The following TRPV4 variants were observed in gnomAD, a reference collection of about 807,000 sequenced individuals.
The protein encoded by TRPV4 is OSM9-like transient receptor potential channel 4.
A neutral mutation model predicts 84.1 loss-of-function variants in TRPV4; 58 were observed. That is an observed-to-expected ratio of 0.69 (90% CI 0.56 to 0.86). The LOEUF (loss-of-function observed/expected upper bound fraction) is 0.86, where lower values mean the gene tolerates loss of function less well. TRPV4 is among the 40% of genes least tolerant of loss of function. TRPV4 has a pLI of 0.00. For missense variants in TRPV4, 879 were observed against 1,181.1 expected, an observed-to-expected ratio of 0.74 and a Z score of 3.75; for synonymous variants, 489 against 500.9, an observed-to-expected ratio of 0.98 and a Z score of 0.32.
Position 109,796,507 on chromosome 12 carries a change from C to G in TRPV4, c.1332+18G>C. On this transcript the variant is annotated intron_variant, in intron 7 of 15. Transcript: ENST00000261740. The surrounding 1 kb of genome is among the most constrained non-coding windows in gnomAD (Gnocchi z 4.2). The stretch of plus-strand genomic sequence containing the variant: ...TGCCCCTCCTTCCTCACACCCCATG[C>G]CCCCTCCTGGAGCCCACCTCAATCT... 1 of 1,613,756 alleles carries G rather than the reference C, an allele frequency of 6.2e-7. No homozygotes were observed. The highest frequency in any genetic ancestry group is 1.1e-5 in the South Asian group (1 of 91,028).
intron 12 of TRPV4, among the ~76,000 whole-genome samples, chr12:109,790,628 A>G (rs1027748055): frequency 2.0e-5 from 3 of 152,122 alleles, no homozygotes; most frequent in African/African-American, 7.2e-5. Context: ...CGCGCCTATA[A>G]TCCTGCACTT....
intron 7 of TRPV4, 74 bp from the exon 8 acceptor site, chr12:109,794,561 G>T: frequency 6.6e-7 from 1 of 1,514,630 alleles, no homozygotes. Flanking sequence ...CCTCGGGTGT[G>T]CCTTCCCCCA....
At chr12:109,820,086 G>C (rs1323027780) in intron 1 of TRPV4, among the ~76,000 whole-genome samples, 1 of 152,182 alleles carries the variant, frequency 6.6e-6, no homozygotes, top group Non-Finnish European at 1.5e-5. Context: ...CACCTACTAT[G>C]TGCCAGGCAC....
At chr12:109,811,145 C>T (rs970669537) in intron 2 of TRPV4, among the ~76,000 whole-genome samples, 1 of 152,200 alleles carries the variant, frequency 6.6e-6, no homozygotes, top group African/African-American at 2.4e-5. Context: ...ATGTCAACTC[C>T]TCCAAGAAGC....
At chr12:109,818,066 C>A (rs906715764) in intron 1 of TRPV4, among the ~76,000 whole-genome samples, 2 of 151,630 alleles carry the variant, frequency 1.3e-5, no homozygotes, top group African/African-American at 2.4e-5. Context: ...CCTGAGGTCA[C>A]ACAGCAGGTT....
At chr12:109,803,884 T>C (rs1297439187) in intron 3 of TRPV4, among the ~76,000 whole-genome samples, 1 of 152,220 alleles carries the variant, frequency 6.6e-6, no homozygotes, top group African/African-American at 2.4e-5. Flanking sequence ...ACAGGGACTG[T>C]GAACCTGTAA....
At chr12:109,797,853 G>A (rs1257707301) in intron 6 of TRPV4, among the ~76,000 whole-genome samples, 1 of 152,096 alleles carries the variant, frequency 6.6e-6, no homozygotes, top group Non-Finnish European at 1.5e-5. Flanking sequence ...GCCTTATGTG[G>A]ATCACCGCAT....
At chr12:109,797,987 T>C (rs1032255295) in intron 6 of TRPV4, among the ~76,000 whole-genome samples, 1 of 152,210 alleles carries the variant, frequency 6.6e-6, no homozygotes, top group African/African-American at 2.4e-5. Context: ...CGCCAGGGCT[T>C]GGACAGGTGC....
chr12:109,828,870 AC>A (rs1313703781), intron 1 of TRPV4, among the ~76,000 whole-genome samples: 3 of 151,860 alleles, frequency 2.0e-5, no homozygotes, highest in East Asian at 3.9e-4. Flanking sequence ...GCCCCTGCCC[AC>A]CCCCGGCAGT....
At position 109,793,511 on chromosome 12, in the gene TRPV4, A is replaced by G. The variant is rs1345023038; in HGVS notation, c.1658+16T>C. The G allele has an allele frequency of 2.5e-6, 4 of 1,611,718 alleles. No homozygotes were observed. Among genetic ancestry groups the G allele is most frequent in the Non-Finnish European group, 3.4e-6 (4 of 1,177,924 alleles). Reference sequence around the variant, plus strand: ...TTCCTCACCCAGAAGCTGCCGGCCCAGGGACCTCTACTCACTAGAGCAGCT... The same window carrying G: ...TTCCTCACCCAGAAGCTGCCGGCCCGGGGACCTCTACTCACTAGAGCAGCT... On this transcript the variant is annotated intron_variant, in intron 10 of 15. Coordinates refer to ENST00000261740, the MANE Select transcript of TRPV4 (RefSeq NM_021625.5). This position sits in a 1 kb window ranked among gnomAD's most constrained non-coding sequence, Gnocchi z 4.0.
intron 1 of TRPV4, among the ~76,000 whole-genome samples, chr12:109,821,043 C>A (rs567684003): frequency 6.6e-6 from 1 of 152,258 alleles, no homozygotes; most frequent in African/African-American, 2.4e-5. Context: ...GGGTTACCCG[C>A]GGCTTTGCCT....
At chr12:109,809,037 C>CCCAT (rs139431272) in intron 2 of TRPV4, among the ~76,000 whole-genome samples, 122 of 143,840 alleles carry the variant, frequency 8.5e-4, no homozygotes, top group African/African-American at 2.6e-3. Flanking sequence ...CATCCACCCA[C>CCCAT]CCATCCATCC....
At chr12:109,789,239 G>T (rs929424799) in intron 12 of TRPV4, among the ~76,000 whole-genome samples, 5 of 152,160 alleles carry the variant, frequency 3.3e-5, no homozygotes, top group African/African-American at 1.2e-4. Context: ...GGGGGTGGGG[G>T]TGCTACTGGC....
chr12:109,830,972 T>G (rs1243086311), intron 1 of TRPV4, among the ~76,000 whole-genome samples: 1 of 152,170 alleles, frequency 6.6e-6, no homozygotes, highest in Non-Finnish European at 1.5e-5. Flanking sequence ...TTCCCCAGCC[T>G]TGGGGCCAGC....
intron 1 of TRPV4, among the ~76,000 whole-genome samples, chr12:109,828,581 A>G (rs1007589315): frequency 2.0e-5 from 3 of 152,244 alleles, no homozygotes; most frequent in Non-Finnish European, 4.4e-5. Flanking sequence ...GCCCAGGAAC[A>G]GAGAGCTTAA....
intron 12 of TRPV4, among the ~76,000 whole-genome samples, chr12:109,789,826 C>T (rs1039638524): frequency 2.0e-5 from 3 of 152,176 alleles, no homozygotes; most frequent in South Asian, 2.1e-4. Context: ...CTGGACTCAC[C>T]GGAAAAACTG....
Position 109,784,440 on chromosome 12 carries a change from G to C in TRPV4, c.2337-3C>G, listed in dbSNP as rs749806486. 1 of 1,613,948 alleles carries C rather than the reference G, an allele frequency of 6.2e-7. No homozygotes were observed. The highest frequency in any genetic ancestry group is 8.5e-7 in the Non-Finnish European group (1 of 1,180,004). ...GAGACCAGTTCACCTCATCCACCCT[G>C]GCAGGGCCCAAGCAGAGGGTCATGG... On this transcript the variant is annotated splice_region_variant and splice_polypyrimidine_tract_variant and intron_variant, in intron 14 of 15. Transcript: ENST00000261740.
intron 7 of TRPV4, 95 bp from the exon 8 acceptor site, chr12:109,794,582 G>A (rs554059311): frequency 4.1e-5 from 54 of 1,314,042 alleles, no homozygotes; most frequent in South Asian, 1.1e-4. Flanking sequence ...CCCTCCACCC[G>A]GACAGCGCTT....
chr12:109,814,456 C>A lies in TRPV4; in HGVS notation c.341G>T (p.Arg114Leu). Residue 114 changes from arginine to leucine, a missense_variant, in exon 2 of 16, where the codon CGT becomes CTT. By Grantham distance (102) the Arg-to-Leu change is moderately radical. This residue lies in a region of TRPV4 where 521 missense variants were observed against 686.6 expected (regional missense o/e 0.76). Coordinates refer to ENST00000261740, the MANE Select transcript of TRPV4 (RefSeq NM_021625.5). The surrounding 1 kb of genome is among the most constrained non-coding windows in gnomAD (Gnocchi z 5.4). ...MDSLFDYGTY[R>L]HHSSDNKRWR... ...CCTCTTGTTGTCACTGGAGTGGTGA[C>A]GATAGGTGCCGTAGTCAAACAGTGA... The A allele has an allele frequency of 6.2e-7, 1 of 1,614,130 alleles. No individual in the cohort carries two copies. The highest frequency in any genetic ancestry group is 8.5e-7 in the Non-Finnish European group (1 of 1,180,000).
Sources: allele counts gnomAD v4.1 joint callset (sites outside exome capture counted in the v4.1 genomes callset), GRCh38; gene constraint gnomAD v4.1.1; regional missense constraint gnomAD v4.1.1; non-coding constraint Gnocchi (gnomAD v3.1); transcripts MANE v1.5; gene names NCBI Gene and HGNC (gene_info 2026-07-23, HGNC 2026-07-21).